MYRIP: variants seen among roughly 807,000 people sequenced by gnomAD.
The protein encoded by MYRIP is myosin VIIA and Rab interacting protein, also known as rab effector MyRIP.
Under a neutral mutation model 98.0 loss-of-function variants are expected in MYRIP, and 49 were observed. The ratio of observed to expected loss-of-function variants is 0.50; its 90% CI spans 0.40 to 0.63. The LOEUF (loss-of-function observed/expected upper bound fraction) is 0.63. MYRIP is among the 30% of genes least tolerant of loss of function. The pLI, the probability that MYRIP is intolerant of heterozygous loss-of-function variation, is 0.00. For missense variants in MYRIP, 1,004 were observed against 1,058.2 expected (o/e 0.95, Z 0.71); for synonymous variants, 404 against 409.5 (o/e 0.99, Z 0.16).
At chr3:40,176,701 A>G (rs1950768155) in intron 8 of MYRIP, among the ~76,000 whole-genome samples, 1 of 152,156 alleles carries the variant, frequency 6.6e-6, no homozygotes, top group Non-Finnish European at 1.5e-5. Context: ...TGAGATCGGG[A>G]GTTCAAGACC....
In MYRIP at chr3:40,212,241, C is replaced by CATAT. The variant is rs1164328133; in HGVS notation, c.1905+2149_1905+2150insTATA. 2.2e-3 allele frequency among the ~76,000 whole-genome samples: 40 copies of CATAT among 18,308 alleles called. 7 individuals carry two copies. The highest frequency in any genetic ancestry group is 0.029 in the Middle Eastern group (1 of 34). The allele number at this position is 18,308 out of a possible 152,430, so 12.0% of individuals were successfully genotyped here. On this transcript the variant is annotated intron_variant, in intron 11 of 16. Coordinates refer to ENST00000302541, the MANE Select transcript of MYRIP (RefSeq NM_015460.4). Reference sequence around the variant, plus strand: ...ATATATATATACACACACACACACACACACATATATATATATACACGTATA... The same window carrying CATAT: ...ATATATATATACACACACACACACACATATACACATATATATATATACACGTATA...
At chr3:39,849,513 C>T (rs1030903999) in intron 1 of MYRIP, among the ~76,000 whole-genome samples, 5 of 152,238 alleles carry the variant, frequency 3.3e-5, no homozygotes, top group African/African-American at 7.2e-5. Flanking sequence ...CCAGCCTTCC[C>T]GGAGTGGAGA....
At position 39,957,929 on chromosome 3, in the gene MYRIP, A is replaced by G. The variant is rs1161796874; in HGVS notation, c.110+57003A>G. Among the ~76,000 whole-genome samples, 3 of 152,342 alleles carry G rather than the reference A, an allele frequency of 2.0e-5. No homozygotes were observed. In the East Asian group the frequency reaches 5.8e-4, roughly 29 times the overall value. Reference sequence around the variant, plus strand: ...AATCATGAGTGAACTCCCATTCACAATTACTTCAAAGAGAATAAAATACCT... The same window carrying G: ...AATCATGAGTGAACTCCCATTCACAGTTACTTCAAAGAGAATAAAATACCT... On this transcript the variant is annotated intron_variant, in intron 2 of 16. Transcript: ENST00000302541.
chr3:40,192,330 T>TATATATATATGACATATATATATGTC (rs1951252149), intron 10 of MYRIP, among the ~76,000 whole-genome samples: 1 of 100,092 alleles, frequency 1.0e-5, no homozygotes, highest in Non-Finnish European at 1.9e-5. Context: ...ATATATGTCA[T>TATATATATATGACATATATATATGTC]ATATATATAT....
chr3:39,867,446 A>G (rs558235161), intron 1 of MYRIP, among the ~76,000 whole-genome samples: 11 of 151,590 alleles, frequency 7.3e-5, no homozygotes, highest in African/African-American at 2.7e-4. Flanking sequence ...ATATCCAAAA[A>G]TATAAGGAAC....
intron 16 of MYRIP, among the ~76,000 whole-genome samples, 160 bp from the exon 17 acceptor site, chr3:40,257,974 C>T (rs73071731): frequency 0.016 from 2,467 of 152,300 alleles, 29 homozygotes; most frequent in Non-Finnish European, 0.023. Context: ...AAGAAGCATG[C>T]ATTTAAAAAT....
chr3:40,188,102 T>G (rs1479232868), intron 9 of MYRIP, among the ~76,000 whole-genome samples: 1 of 152,236 alleles, frequency 6.6e-6, no homozygotes, highest in Non-Finnish European at 1.5e-5. Context: ...CCTGCCAGTC[T>G]GAGCTGCAGT....
At chr3:40,242,849 A>G (rs1393696752) in intron 12 of MYRIP, among the ~76,000 whole-genome samples, 1 of 151,456 alleles carries the variant, frequency 6.6e-6, no homozygotes, top group African/African-American at 2.4e-5. Flanking sequence ...CCCCACCCCC[A>G]ATTATTTTTT....
At chr3:40,093,957 T>C (rs1325700381) in intron 3 of MYRIP, among the ~76,000 whole-genome samples, 4 of 152,138 alleles carry the variant, frequency 2.6e-5, no homozygotes, top group Non-Finnish European at 5.9e-5. Flanking sequence ...CTCTTCATAA[T>C]GGGGGACACT....
At chr3:39,842,133 C>G (rs1346907171) in intron 1 of MYRIP, among the ~76,000 whole-genome samples, 1 of 152,160 alleles carries the variant, frequency 6.6e-6, no homozygotes, top group Non-Finnish European at 1.5e-5. Context: ...GGGCTGCTGC[C>G]TTTCTTTTAG....
At chr3:39,825,002 A>G (rs1023364425) in intron 1 of MYRIP, among the ~76,000 whole-genome samples, 1 of 152,180 alleles carries the variant, frequency 6.6e-6, no homozygotes, top group African/African-American at 2.4e-5. Flanking sequence ...ACAGGCATTG[A>G]GCCACTGTGC....
At chr3:40,177,119 A>T (rs1268643652) in intron 8 of MYRIP, among the ~76,000 whole-genome samples, 1 of 151,854 alleles carries the variant, frequency 6.6e-6, no homozygotes, top group Non-Finnish European at 1.5e-5. Context: ...GCTGGCCAGA[A>T]CCTGGACACG....
rs115982925 is a variant in MYRIP, at chr3:40,113,743, G to T, written c.333-37305G>T. On this transcript the variant is annotated intron_variant, in intron 3 of 16. Transcript: ENST00000302541. ...CTCGCTCTTTCGCCCAGGCCAGACA[G>T]CAGTGGTGCTATCTTGGCTCACTGC... 6.1e-3 allele frequency among the ~76,000 whole-genome samples: 922 copies of T among 152,180 alleles called. 9 individuals are homozygous for T. The highest frequency in any genetic ancestry group is 0.021 in the African/African-American group (868 of 41,504).
intron 1 of MYRIP, among the ~76,000 whole-genome samples, chr3:39,832,589 A>C (rs533592263): frequency 6.6e-6 from 1 of 152,210 alleles, no homozygotes; most frequent in Non-Finnish European, 1.5e-5. Context: ...TAAGTAGGAA[A>C]AAATGAAAAC....
At position 39,809,754 on chromosome 3, in the gene MYRIP, C is replaced by G. The variant is rs990108463; in HGVS notation, c.-193C>G. On this transcript the variant is annotated 5_prime_UTR_variant, in exon 1 of 17. Coordinates refer to ENST00000302541, the MANE Select transcript of MYRIP (RefSeq NM_015460.4). ...GAGCCCCCGCGGTGCTGCAGCCCAGCTTTAGCGCGCAGACCGACCCGCGCC... is the reference window on the plus strand; with the variant it reads ...GAGCCCCCGCGGTGCTGCAGCCCAGGTTTAGCGCGCAGACCGACCCGCGCC... The G allele has an allele frequency of 1.8e-4, 27 of 152,224 alleles. No individual in the cohort carries two copies. Among genetic ancestry groups the G allele is most frequent in the Non-Finnish European group, 2.5e-4 (17 of 68,050 alleles). The allele number at this position is 152,224 out of a possible 1,614,324, so 9.4% of individuals were successfully genotyped here. A position where few individuals can be genotyped will look rare whatever the true frequency, so the allele number is the denominator to read the frequency against.
intron 11 of MYRIP, among the ~76,000 whole-genome samples, chr3:40,221,658 T>A (rs1952341822): frequency 6.6e-6 from 1 of 152,120 alleles, no homozygotes; most frequent in South Asian, 2.1e-4. Context: ...ACATTTAGTG[T>A]TGGTAAGGGT....
chr3:40,156,362 T>A lies in MYRIP; in HGVS notation c.469+5178T>A, dbSNP rs532708154. Among the ~76,000 whole-genome samples, 6 of 152,356 alleles carry A rather than the reference T, an allele frequency of 3.9e-5. No homozygotes were observed. In the East Asian group the frequency reaches 5.8e-4, roughly 15 times the overall value. On this transcript the variant is annotated intron_variant, in intron 4 of 16. Transcript: ENST00000302541. ...GTTCCATTGATCTATATTTCTGTTTTGGTACCAGTACCATGCTTGTTTGGT... is the reference window on the plus strand; with the variant it reads ...GTTCCATTGATCTATATTTCTGTTTAGGTACCAGTACCATGCTTGTTTGGT...
chr3:39,910,577 G>A (rs1423224833), intron 2 of MYRIP, among the ~76,000 whole-genome samples: 1 of 152,156 alleles, frequency 6.6e-6, no homozygotes, highest in Non-Finnish European at 1.5e-5. Context: ...TAGTCTAAGT[G>A]TGAAATAAAT....
At chr3:39,923,714 T>C (rs6782325) in intron 2 of MYRIP, among the ~76,000 whole-genome samples, 56,386 of 151,934 alleles carry the variant, frequency 0.37, 10,770 homozygotes, top group East Asian at 0.46. Context: ...AGCAAAAATA[T>C]TGATAAATAC....
Sources: gnomAD v4.1 joint callset for allele counts (sites outside exome capture counted in the v4.1 genomes callset) on GRCh38, gnomAD v4.1.1 for gene constraint, MANE v1.5 for transcripts, NCBI Gene and HGNC (gene_info 2026-07-23, HGNC 2026-07-21) for gene names.